The following CDC73 variants were observed in gnomAD, a reference collection of about 807,000 sequenced individuals.
CDC73 encodes cell division cycle 73.
In CDC73, 21 loss-of-function variants were observed where a neutral mutation model predicts 83.7. The ratio of observed to expected loss-of-function variants is 0.25; its 90% CI spans 0.18 to 0.36. The LOEUF is 0.36. Among genes scored for constraint, CDC73 ranks in the 10% least tolerant of loss-of-function variants. CDC73 has a pLI of 1.00. For synonymous variants in CDC73, 224 were observed against 212.9 expected (o/e 1.05, Z -0.45); for missense variants, 342 against 653.3 (o/e 0.52, Z 5.19).
intron 15 of CDC73, among the ~76,000 whole-genome samples, chr1:193,245,077 A>G (rs1466544138): frequency 2.0e-5 from 3 of 152,244 alleles, no homozygotes; most frequent in East Asian, 1.9e-4. Flanking sequence ...GATACATACA[A>G]TGTATAGTTA....
intron 10 of CDC73, chr1:193,181,630 A>G (rs879273787): frequency 1.7e-5 from 23 of 1,327,768 alleles, no homozygotes; most frequent in African/African-American, 8.9e-5. Context: ...CCTTAATACT[A>G]TTCTTTGGCA....
At chr1:193,238,785 G>C (rs941206728) in intron 15 of CDC73, among the ~76,000 whole-genome samples, 1 of 152,170 alleles carries the variant, frequency 6.6e-6, no homozygotes, top group Non-Finnish European at 1.5e-5. Context: ...GTAAGAAAGA[G>C]AAAATACATT....
chr1:193,166,551 G>C (rs1178297287), intron 10 of CDC73, among the ~76,000 whole-genome samples: 1 of 152,084 alleles, frequency 6.6e-6, no homozygotes, highest in Non-Finnish European at 1.5e-5. Context: ...TAAAGGGCCA[G>C]AAACTAAGTA....
chr1:193,141,794 T>G, intron 6 of CDC73, 56 bp from the exon 7 acceptor site: 9 of 1,093,670 alleles, frequency 8.2e-6, no homozygotes, highest in Non-Finnish European at 1.1e-5. Context: ...AAAATATATT[T>G]ATGATACACT....
At chr1:193,206,062 TTAG>T (rs1677184059) in intron 11 of CDC73, among the ~76,000 whole-genome samples, 2 of 152,086 alleles carry the variant, frequency 1.3e-5, no homozygotes, top group African/African-American at 4.8e-5. Context: ...ATAAAAGAAG[TTAG>T]TATGTAAGGA....
At chr1:193,209,762 T>G (rs1401886887) in intron 11 of CDC73, among the ~76,000 whole-genome samples, 1 of 152,194 alleles carries the variant, frequency 6.6e-6, no homozygotes, top group Non-Finnish European at 1.5e-5. Context: ...GCCTTGAGTT[T>G]AGTAAATGTT....
intron 11 of CDC73, among the ~76,000 whole-genome samples, chr1:193,205,860 C>G (rs1677181165): frequency 2.6e-5 from 4 of 151,988 alleles, no homozygotes; most frequent in Admixed American, 2.6e-4. Flanking sequence ...CCAAAGAATA[C>G]TAAACATGAA....
intron 10 of CDC73, among the ~76,000 whole-genome samples, chr1:193,186,925 CT>C (rs1314103143): frequency 2.6e-5 from 4 of 151,878 alleles, no homozygotes; most frequent in Admixed American, 2.6e-4. Flanking sequence ...TTCTTACATG[CT>C]TTTGTAGGGT....
chr1:193,179,587 A>G (rs901190376), intron 10 of CDC73: 1 of 152,642 alleles, frequency 6.6e-6, no homozygotes, highest in African/African-American at 2.4e-5. Context: ...GAAACATTTA[A>G]TAACTATAAA....
At chr1:193,238,855 T>A (rs557266029) in intron 15 of CDC73, among the ~76,000 whole-genome samples, 28 of 152,276 alleles carry the variant, frequency 1.8e-4, no homozygotes, top group Admixed American at 2.6e-4. Flanking sequence ...TGTCTTCACA[T>A]TGAGTAGGTT....
chr1:193,220,833 C>T (rs1677456970), intron 13 of CDC73, among the ~76,000 whole-genome samples: 1 of 152,056 alleles, frequency 6.6e-6, no homozygotes, highest in Non-Finnish European at 1.5e-5. Flanking sequence ...ACAAGATATA[C>T]TTTTGGTCCT....
intron 10 of CDC73, among the ~76,000 whole-genome samples, chr1:193,188,493 A>G (rs1676858951): frequency 6.6e-6 from 1 of 152,050 alleles, no homozygotes; most frequent in Admixed American, 6.5e-5. Flanking sequence ...AATCATTAAT[A>G]GAATAATAAA....
At chr1:193,128,723 T>C (rs1194432826) in intron 2 of CDC73, among the ~76,000 whole-genome samples, 1 of 152,240 alleles carries the variant, frequency 6.6e-6, no homozygotes, top group Non-Finnish European at 1.5e-5. Flanking sequence ...TTTTAAGTGA[T>C]TAAATACAGT....
intron 7 of CDC73, among the ~76,000 whole-genome samples, chr1:193,145,561 T>C (rs1053436555): frequency 6.6e-6 from 1 of 152,252 alleles, no homozygotes; most frequent in Non-Finnish European, 1.5e-5. Flanking sequence ...TCATGAAATA[T>C]GCTATTATGT....
At chr1:193,216,872 CT>C (rs1458704124) in intron 13 of CDC73, among the ~76,000 whole-genome samples, 9 of 152,122 alleles carry the variant, frequency 5.9e-5, no homozygotes, top group African/African-American at 2.2e-4. Flanking sequence ...GCAGAAAAGG[CT>C]TTCAGTAAAT....
chr1:193,131,750 C>T (rs907687839), intron 3 of CDC73, among the ~76,000 whole-genome samples: 1 of 152,208 alleles, frequency 6.6e-6, no homozygotes, highest in African/African-American at 2.4e-5. Context: ...ACATGGCTCA[C>T]TTGCTTACTA....
intron 13 of CDC73, among the ~76,000 whole-genome samples, chr1:193,221,494 T>A (rs193014330): frequency 7.2e-5 from 11 of 152,256 alleles, no homozygotes; most frequent in East Asian, 5.8e-4. Context: ...TGACAACTTT[T>A]AAAAAAATAA....
Position 193,251,169 on chromosome 1 carries a change from A to C in CDC73, c.*457A>C. The C allele has an allele frequency of 8.2e-6, 2 of 244,918 alleles. No individual in the cohort carries two copies. Among genetic ancestry groups the C allele is most frequent in the East Asian group, 1.2e-4 (2 of 17,144 alleles). 15.2% of individuals were successfully genotyped at this position (244,918 alleles called of 1,614,324 possible). The stretch of plus-strand genomic sequence containing the variant: ...CAAAGGGATGTGACTATTTTGAATG[A>C]ATCAGAATGTCAACTTGTATGTACA... On this transcript the variant is annotated 3_prime_UTR_variant, in exon 17 of 17. Coordinates refer to ENST00000367435, the MANE Select transcript of CDC73 (RefSeq NM_024529.5).
chr1:193,190,440 G>A (rs191190664), intron 10 of CDC73, among the ~76,000 whole-genome samples: 5 of 152,288 alleles, frequency 3.3e-5, no homozygotes, highest in Non-Finnish European at 5.9e-5. Flanking sequence ...TTAAAAGCTT[G>A]TAATTTTCCT....
Sources: gnomAD v4.1 joint callset for allele counts (sites outside exome capture counted in the v4.1 genomes callset) on GRCh38, gnomAD v4.1.1 for gene constraint, MANE v1.5 for transcripts, NCBI Gene and HGNC (gene_info 2026-07-23, HGNC 2026-07-21) for gene names.